PIWIL1: variants seen among roughly 807,000 people sequenced by gnomAD.
The protein encoded by PIWIL1 is piwi like RNA-mediated gene silencing 1, also known as piwi-like protein 1.
PIWIL1 carries 73 observed loss-of-function variants against 114.4 expected under a neutral mutation model. The observed-to-expected ratio is 0.64, with a 90% CI of 0.53 to 0.78. PIWIL1 has a LOEUF of 0.78. Among genes scored for constraint, PIWIL1 ranks in the 30% least tolerant of loss-of-function variants. PIWIL1 has a pLI of 0.00. For missense variants in PIWIL1, 723 were observed against 1,063.1 expected (o/e 0.68, Z 4.45); for synonymous variants, 375 against 369.0 (o/e 1.02, Z -0.19).
chr12:130,424,960 G>A, the PIWIL1 span: 1 of 621,602 alleles, frequency 1.6e-6, no homozygotes, highest in East Asian at 3.5e-5. The surrounding 1 kb of genome is among the most constrained non-coding windows in gnomAD (Gnocchi z 9.8). Context: ...ATTAGTCCTG[G>A]AGGCACCGAG....
intron 3 of PIWIL1, chr12:130,345,390 C>T (rs562246550): frequency 5.9e-6 from 1 of 169,028 alleles, no homozygotes; most frequent in East Asian, 1.6e-4. Flanking sequence ...ACATGAAGAC[C>T]TTTAGGTAGT....
intron 20 of PIWIL1, 68 bp downstream of exon 20, chr12:130,371,391 G>A: frequency 1.2e-6 from 2 of 1,611,294 alleles, no homozygotes; most frequent in South Asian, 2.2e-5. Flanking sequence ...AAATAGCTGT[G>A]GTTTAAAAGG....
chr12:130,367,068 T>G, intron 18 of PIWIL1, 65 bp from the exon 19 acceptor site: 1 of 1,587,578 alleles, frequency 6.3e-7, no homozygotes, highest in Non-Finnish European at 8.6e-7. Flanking sequence ...TGTGAACACC[T>G]GAATGAATGA....
Position 130,346,549 on chromosome 12 carries a change from A to G in PIWIL1, c.496A>G (p.Thr166Ala). The G allele has an allele frequency of 6.2e-7, 1 of 1,614,040 alleles. No individual in the cohort carries two copies. The highest frequency in any genetic ancestry group is 8.5e-7 in the Non-Finnish European group (1 of 1,179,920). The change falls in exon 5 of 21, where the codon ACG becomes GCG. Residue 166 changes from threonine to alanine, a missense_variant. Around this residue, in one of 8 missense-constraint regions of PIWIL1, gnomAD observed 190 missense variants for 294.4 expected, o/e 0.65. Transcript: ENST00000245255. ...TGGAAAGTGTCATGCTTTTGATGGA[A>G]CGATATTATTTTTACCTAAAAGACT... ...LIGKCHAFDG[T>A]ILFLPKRLQQ... is the part of the protein sequence containing the mutation.
intron 16 of PIWIL1, among the ~76,000 whole-genome samples, chr12:130,362,119 T>TGCA (rs1565952835): frequency 6.6e-6 from 1 of 152,238 alleles, no homozygotes; most frequent in African/African-American, 2.4e-5. Context: ...TGCAGGTTTG[T>TGCA]TACATAGGTA....
chr12:130,424,005 C>A, the PIWIL1 span: 2 of 447,036 alleles, frequency 4.5e-6, no homozygotes, highest in Non-Finnish European at 7.4e-6. The surrounding 1 kb of genome is among the most constrained non-coding windows in gnomAD (Gnocchi z 9.8). Flanking sequence ...CTTGAGAAAT[C>A]AAAAATGCAG....
chr12:130,342,949 G>T (rs748044253), intron 2 of PIWIL1, 41 bp from the exon 3 acceptor site: 3 of 1,467,034 alleles, frequency 2.0e-6, no homozygotes, highest in Middle Eastern at 1.7e-4. Context: ...GTGTCTGACC[G>T]CTTGACGAAA....
chr12:130,354,166 C>T (rs1229588677), intron 9 of PIWIL1, among the ~76,000 whole-genome samples: 1 of 152,112 alleles, frequency 6.6e-6, no homozygotes, highest in African/African-American at 2.4e-5. Context: ...CTCTCAGTAA[C>T]AGAGAATAGT....
At chr12:130,372,597 C>CAAAA (rs60262232) in exon 21 of PIWIL1, 4 of 67,912 alleles carry the variant, frequency 5.9e-5, no homozygotes, top group East Asian at 5.5e-4. Flanking sequence ...GACTCCGTCT[C>CAAAA]AAAAAAAAAA....
intron 14 of PIWIL1, among the ~76,000 whole-genome samples, chr12:130,358,088 G>T (rs376987079): frequency 2.0e-5 from 3 of 152,170 alleles, no homozygotes; most frequent in Admixed American, 2.0e-4. Flanking sequence ...ACCTGCAAAC[G>T]TGTTGTTGTT....
the PIWIL1 span, among the ~76,000 whole-genome samples, chr12:130,415,913 G>A: frequency 1.3e-4 from 20 of 152,112 alleles, no homozygotes; most frequent in Admixed American, 1.2e-3. Flanking sequence ...CCAATAAATT[G>A]TTCAAGCTGA....
chr12:130,372,729 G>T (rs1271904330), downstream of PIWIL1: 1 of 151,624 alleles, frequency 6.6e-6, no homozygotes, highest in Non-Finnish European at 1.5e-5. Flanking sequence ...TATAAGAACG[G>T]GTATCCACAG....
At chr12:130,339,350 T>G (rs1420652564) in intron 1 of PIWIL1, 1 of 152,254 alleles carries the variant, frequency 6.6e-6, no homozygotes, top group East Asian at 1.9e-4. Context: ...CTGCGCAGCC[T>G]GTTCTCTGAG....
the PIWIL1 span, among the ~76,000 whole-genome samples, chr12:130,401,696 G>C: frequency 6.6e-6 from 1 of 151,866 alleles, no homozygotes; most frequent in African/African-American, 2.4e-5. Context: ...TGCCCCTGGC[G>C]ATTTCTTCCT....
the PIWIL1 span, among the ~76,000 whole-genome samples, chr12:130,405,686 G>GT: frequency 6.6e-6 from 1 of 151,384 alleles, no homozygotes; most frequent in East Asian, 1.9e-4. Flanking sequence ...TGGGGGCGGG[G>GT]TGGGGGGTTC....
the PIWIL1 span, chr12:130,414,126 T>C: frequency 6.2e-7 from 1 of 1,614,126 alleles, no homozygotes; most frequent in Non-Finnish European, 8.5e-7. Context: ...ATCCCGCACC[T>C]TGATGATCTG....
chr12:130,362,758 C>T lies in PIWIL1; in HGVS notation c.1971-8C>T. 6.2e-7 allele frequency: 1 copy of T among 1,613,138 alleles called. No individual in the cohort carries two copies. Among genetic ancestry groups the T allele is most frequent in the Non-Finnish European group, 8.5e-7 (1 of 1,179,290 alleles). On this transcript the variant is annotated splice_polypyrimidine_tract_variant and splice_region_variant and intron_variant, in intron 16 of 20. Coordinates refer to ENST00000245255, the MANE Select transcript of PIWIL1 (RefSeq NM_004764.5). ...ATTCTTATTCTAGCTGTGTTTTTCTCTGAATAGCTGGTTCTCACGCTGCAT... is the reference window on the plus strand; with the variant it reads ...ATTCTTATTCTAGCTGTGTTTTTCTTTGAATAGCTGGTTCTCACGCTGCAT...
intron 19 of PIWIL1, among the ~76,000 whole-genome samples, chr12:130,369,680 A>G (rs1293095317): frequency 6.6e-6 from 1 of 152,198 alleles, no homozygotes; most frequent in Non-Finnish European, 1.5e-5. Context: ...TCCTGGACAC[A>G]TAAATTTCTT....
At chr12:130,400,958 TG>T in the PIWIL1 span, among the ~76,000 whole-genome samples, 2 of 152,128 alleles carry the variant, frequency 1.3e-5, no homozygotes, top group Non-Finnish European at 2.9e-5. Context: ...CGAATACTCG[TG>T]CACTTTTGGT....
Sources: gnomAD v4.1 joint callset for allele counts (sites outside exome capture counted in the v4.1 genomes callset) on GRCh38, gnomAD v4.1.1 for gene constraint, gnomAD v4.1.1 regional missense constraint, Gnocchi (gnomAD v3.1) non-coding constraint, MANE v1.5 for transcripts, NCBI Gene and HGNC (gene_info 2026-07-23, HGNC 2026-07-21) for gene names.